MAPT: variants seen among roughly 807,000 people sequenced by gnomAD.
The protein encoded by MAPT is microtubule-associated protein tau.
A neutral mutation model predicts 67.9 loss-of-function variants in MAPT; 34 were observed. The observed-to-expected ratio is 0.50, with a 90% CI of 0.38 to 0.67. MAPT has a LOEUF of 0.67. Among genes scored for constraint, MAPT ranks in the 30% least tolerant of loss-of-function variants. The probability of loss-of-function intolerance (pLI) is 0.00; values close to 1 mark genes in which losing one functional copy is unlikely to be tolerated. For missense variants in MAPT, 881 were observed against 1,115.2 expected, an observed-to-expected ratio of 0.79 and a Z score of 2.99; for synonymous variants, 456 against 464.5, an observed-to-expected ratio of 0.98 and a Z score of 0.23.
chr17:45,961,812 G>A (rs2070451087), intron 1 of MAPT, among the ~76,000 whole-genome samples: 1 of 149,168 alleles, frequency 6.7e-6, no homozygotes, highest in African/African-American at 2.5e-5. Context: ...GTTTCACCCT[G>A]TCACCCAGGC....
intron 1 of MAPT, among the ~76,000 whole-genome samples, chr17:45,956,579 TATATATATATATATATATA>T (rs1568230785): frequency 2.4e-3 from 18 of 7,400 alleles, no homozygotes; most frequent in African/African-American, 3.1e-3. Context: ...TATATATATA[TATATATATATATATATATA>T]TATTTTTTAT....
At chr17:45,964,884 C>T (rs527575794) in intron 2 of MAPT, among the ~76,000 whole-genome samples, 12 of 152,250 alleles carry the variant, frequency 7.9e-5, no homozygotes, top group African/African-American at 2.6e-4. Context: ...CCCTGCCCCA[C>T]CCTGGTGCTC....
chr17:45,989,237 A>G (rs142467897), intron 6 of MAPT, among the ~76,000 whole-genome samples: 32 of 152,314 alleles, frequency 2.1e-4, no homozygotes, highest in Non-Finnish European at 3.8e-4. Flanking sequence ...ATCTCCATCA[A>G]CTTACTCATG....
chr17:45,981,918 G>T (rs560190004), intron 4 of MAPT, among the ~76,000 whole-genome samples: 3 of 151,698 alleles, frequency 2.0e-5, no homozygotes, highest in South Asian at 2.1e-4. Context: ...TGCTTGGGAG[G>T]GTGAGATGGG....
Position 45,966,692 on chromosome 17 carries a change from C to A in MAPT, c.133+4222C>A, listed in dbSNP as rs117559252. Among the ~76,000 whole-genome samples the A allele has an allele frequency of 9.6e-3, 1,462 of 152,208 alleles. 8 individuals are homozygous for A. The highest frequency in any genetic ancestry group is 0.02 in the Middle Eastern group (6 of 294). ...ATGTGTAAAGTGAGGACAAGTTCAC[C>A]AAGTTAGTGTTTGAGTTGCCTAAAA... is the stretch of plus-strand genomic sequence containing the variant. On this transcript the variant is annotated intron_variant, in intron 2 of 12. Coordinates refer to ENST00000262410, the MANE Select transcript of MAPT (RefSeq NM_001377265.1).
intron 1 of MAPT, among the ~76,000 whole-genome samples, chr17:45,918,928 G>A (rs1397716282): frequency 6.6e-6 from 1 of 152,006 alleles, no homozygotes; most frequent in African/African-American, 2.4e-5. Flanking sequence ...TGGCCATGGT[G>A]GTGTGCGCCT....
intron 1 of MAPT, among the ~76,000 whole-genome samples, chr17:45,930,407 C>CAAAAAA (rs67120979): frequency 1.2e-5 from 1 of 81,956 alleles, no homozygotes. Context: ...ATTCTGTCTC[C>CAAAAAA]AAAAAAAAAA....
chr17:45,954,841 G>A (rs941101215), intron 1 of MAPT, among the ~76,000 whole-genome samples: 4 of 151,904 alleles, frequency 2.6e-5, no homozygotes, highest in Admixed American at 6.6e-5. Flanking sequence ...AAAATTAGCC[G>A]GGCACAGTGG....
At chr17:45,998,493 G>A (rs957093699) in intron 9 of MAPT, among the ~76,000 whole-genome samples, 10 of 152,318 alleles carry the variant, frequency 6.6e-5, no homozygotes, top group Admixed American at 2.0e-4. Context: ...GTGGGGACAA[G>A]GGCAGAGCTC....
chr17:45,945,180 C>T (rs2144997271), intron 1 of MAPT, among the ~76,000 whole-genome samples: 1 of 152,316 alleles, frequency 6.6e-6, no homozygotes, highest in East Asian at 1.9e-4. Context: ...GATGCAATGC[C>T]ACAGGTGTCC....
At chr17:45,987,231 A>AT (rs1328080810) in intron 6 of MAPT, 136 bp downstream of exon 6, 17 of 844,830 alleles carry the variant, frequency 2.0e-5, no homozygotes, top group Non-Finnish European at 2.9e-5. Context: ...AGTGCTTTGT[A>AT]TTTTGGGGCA....
intron 1 of MAPT, among the ~76,000 whole-genome samples, chr17:45,954,072 G>A (rs1386796708): frequency 2.6e-5 from 4 of 152,188 alleles, no homozygotes; most frequent in Non-Finnish European, 5.9e-5. Flanking sequence ...ACTCTGGCAC[G>A]TGGGCCAAAA....
intron 1 of MAPT, among the ~76,000 whole-genome samples, chr17:45,918,022 C>T (rs1191637871): frequency 6.6e-6 from 1 of 152,188 alleles, no homozygotes; most frequent in Non-Finnish European, 1.5e-5. Flanking sequence ...GATCCACCCG[C>T]CTCAGCCTCC....
intron 1 of MAPT, among the ~76,000 whole-genome samples, chr17:45,930,184 G>A (rs60426848): frequency 0.11 from 17,111 of 152,120 alleles, 1,236 homozygotes; most frequent in South Asian, 0.26. Context: ...TTGATCACTC[G>A]ATGCCAGGAG....
chr17:46,011,503 CAG>C (rs2075816112), intron 10 of MAPT, among the ~76,000 whole-genome samples: 1 of 152,316 alleles, frequency 6.6e-6, no homozygotes, highest in South Asian at 2.1e-4. Flanking sequence ...ATTCGGGACT[CAG>C]ATCCTCAAGT....
Position 45,965,756 on chromosome 17 carries a change from T to C in MAPT, c.133+3286T>C, listed in dbSNP as rs575660385. On this transcript the variant is annotated intron_variant, in intron 2 of 12. Coordinates refer to ENST00000262410, the MANE Select transcript of MAPT (RefSeq NM_001377265.1). ...AAAAAAAAATAGTGCTGCTTTCTCT[T>C]TCAAGTGTCCTGATTTGGGTGATAG... Among the ~76,000 whole-genome samples, 4 of 152,258 alleles carry C rather than the reference T, an allele frequency of 2.6e-5. No individual in the cohort carries two copies. The South Asian group carries it at 8.3e-4, about 32-fold the overall frequency.
chr17:45,989,017 TA>T (rs533542112), intron 6 of MAPT, among the ~76,000 whole-genome samples: 10 of 152,132 alleles, frequency 6.6e-5, no homozygotes, highest in African/African-American at 2.2e-4. Flanking sequence ...GGGTGTAACC[TA>T]AGTCAGGTAG....
In MAPT at chr17:46,005,110, C is replaced by T. The variant is rs981276311; in HGVS notation, c.1999-5200C>T. 3.3e-5 allele frequency among the ~76,000 whole-genome samples: 5 copies of T among 152,192 alleles called. 1 individual carries two copies. In the South Asian group the frequency reaches 1.0e-3, roughly 32 times the overall value. On this transcript the variant is annotated intron_variant, in intron 9 of 12. Coordinates refer to ENST00000262410, the MANE Select transcript of MAPT (RefSeq NM_001377265.1). ...GAAAAAAACATTTCTAAGTATGTGG[C>T]AGATACTGAATTATTGCTTAATGTC...
intron 1 of MAPT, among the ~76,000 whole-genome samples, chr17:45,904,728 G>A (rs935798338): frequency 1.3e-5 from 2 of 151,402 alleles, no homozygotes; most frequent in Non-Finnish European, 2.9e-5. Flanking sequence ...ATATTTACAT[G>A]TATTTAAATG....
Sources: allele counts gnomAD v4.1 joint callset (sites outside exome capture counted in the v4.1 genomes callset), GRCh38; gene constraint gnomAD v4.1.1; transcripts MANE v1.5; gene names NCBI Gene and HGNC (gene_info 2026-07-23, HGNC 2026-07-21).